Variants in LPP observed in about 807,000 individuals in gnomAD.
The protein encoded by LPP is lipoma-preferred partner.
In LPP, 38 loss-of-function variants were observed where a neutral mutation model predicts 60.4. The observed-to-expected ratio is 0.63, with a 90% confidence interval of 0.49 to 0.83. LPP has a LOEUF of 0.83. Among genes scored for constraint, LPP ranks in the 40% least tolerant of loss-of-function variants. LPP has a pLI of 0.00. For missense variants in LPP, 902 were observed against 783.6 expected, an observed-to-expected ratio of 1.15 and a Z score of -1.80; for synonymous variants, 328 against 290.8, an observed-to-expected ratio of 1.13 and a Z score of -1.30.
Position 188,848,988 on chromosome 3 carries a change from T to A in LPP, c.1411-17212T>A, listed in dbSNP as rs551902969. On this transcript the variant is annotated intron_variant, in intron 9 of 11. Transcript: ENST00000617246. ...TCAAAAAAAAAAAAAAGAAAATAGG[T>A]TCCGGGTGTTGCAGCAAGTAATAAT... 2.0e-5 allele frequency among the ~76,000 whole-genome samples: 3 copies of A among 149,942 alleles called. No homozygotes were observed. In the East Asian group the frequency reaches 5.9e-4, roughly 29 times the overall value.
At chr3:188,502,982 T>A (rs1812349006) in intron 5 of LPP, among the ~76,000 whole-genome samples, 1 of 152,096 alleles carries the variant, frequency 6.6e-6, no homozygotes, top group Non-Finnish European at 1.5e-5. Context: ...AGTCAAACCC[T>A]TATAAAATTT....
intron 2 of LPP, among the ~76,000 whole-genome samples, chr3:188,281,666 G>T (rs1268340270): frequency 6.7e-6 from 1 of 149,710 alleles, no homozygotes; most frequent in Non-Finnish European, 1.5e-5. Context: ...GGTAGGGAAG[G>T]GGAAAATTTG....
At chr3:188,529,958 T>G (rs761935791) in intron 6 of LPP, among the ~76,000 whole-genome samples, 23 of 152,230 alleles carry the variant, frequency 1.5e-4, no homozygotes, top group Non-Finnish European at 2.6e-4. Context: ...ACCTTATACC[T>G]TTCAGTGTCA....
chr3:188,665,376 A>T (rs1391347569), intron 7 of LPP, among the ~76,000 whole-genome samples: 1 of 151,614 alleles, frequency 6.6e-6, no homozygotes, highest in Non-Finnish European at 1.5e-5. Flanking sequence ...CATAGTTTCT[A>T]TGTGTTTGTC....
chr3:188,726,441 G>T (rs572941174), intron 8 of LPP, among the ~76,000 whole-genome samples: 11 of 152,290 alleles, frequency 7.2e-5, no homozygotes, highest in African/African-American at 2.6e-4. Flanking sequence ...CACTTGCTGT[G>T]TGTACACACT....
intron 2 of LPP, among the ~76,000 whole-genome samples, chr3:188,265,736 C>G (rs955140968): frequency 6.6e-6 from 1 of 151,886 alleles, no homozygotes; most frequent in East Asian, 1.9e-4. Flanking sequence ...GAGGCTGAGT[C>G]TGGAGGTGAG....
At chr3:188,460,487 G>A (rs1438247714) in intron 4 of LPP, among the ~76,000 whole-genome samples, 4 of 152,152 alleles carry the variant, frequency 2.6e-5, no homozygotes, top group African/African-American at 7.2e-5. Context: ...GGTTCCAGGC[G>A]CAGTTACTGT....
intron 2 of LPP, among the ~76,000 whole-genome samples, chr3:188,315,834 T>C (rs555367818): frequency 1.1e-4 from 17 of 152,350 alleles, no homozygotes; most frequent in Non-Finnish European, 2.1e-4. Context: ...TTGGATATTC[T>C]CTCTAGGTAT....
At chr3:188,302,386 T>C (rs1403485395) in intron 2 of LPP, among the ~76,000 whole-genome samples, 2 of 152,220 alleles carry the variant, frequency 1.3e-5, no homozygotes, top group East Asian at 3.8e-4. Context: ...TTCTCCACTT[T>C]AAATTTTATG....
chr3:188,511,153 C>T (rs1815417688), intron 5 of LPP, among the ~76,000 whole-genome samples: 1 of 126,540 alleles, frequency 7.9e-6, no homozygotes, highest in Admixed American at 8.1e-5. Context: ...TCCTACCTGC[C>T]TCCCTCCCTC....
At chr3:188,697,281 T>C (rs1216646878) in intron 7 of LPP, among the ~76,000 whole-genome samples, 2 of 152,138 alleles carry the variant, frequency 1.3e-5, no homozygotes, top group African/African-American at 2.4e-5. Context: ...TTGTGTTAGG[T>C]GAAAGATGGG....
chr3:188,243,924 G>A lies in LPP; in HGVS notation c.-67+18397G>A, dbSNP rs187224983. Among the ~76,000 whole-genome samples, 25 of 152,076 alleles carry A rather than the reference G, an allele frequency of 1.6e-4. No individual in the cohort carries two copies. In the East Asian group the frequency reaches 4.8e-3, roughly 29 times the overall value. ...AGAGTCTCGCTCTGTCGCGCAGGCT[G>A]GAGAGTAGAGGCACAATCTCTGCTC... On this transcript the variant is annotated intron_variant, in intron 2 of 11. Transcript: ENST00000617246.
chr3:188,240,498 A>T (rs1723961464), intron 2 of LPP, among the ~76,000 whole-genome samples: 1 of 152,250 alleles, frequency 6.6e-6, no homozygotes, highest in East Asian at 1.9e-4. Flanking sequence ...TCTTATACGT[A>T]CTGAATTTGA....
chr3:188,590,916 T>G (rs948981987), intron 6 of LPP, among the ~76,000 whole-genome samples: 2 of 152,190 alleles, frequency 1.3e-5, no homozygotes, highest in African/African-American at 4.8e-5. Context: ...TGATGGTCCT[T>G]TCTGACCCTA....
At chr3:188,722,021 A>G (rs944961913) in intron 8 of LPP, among the ~76,000 whole-genome samples, 2 of 152,192 alleles carry the variant, frequency 1.3e-5, no homozygotes, top group Non-Finnish European at 2.9e-5. Context: ...GCTGCCCCAT[A>G]TAAAATTTCA....
intron 2 of LPP, among the ~76,000 whole-genome samples, chr3:188,308,676 G>T (rs757431044): frequency 9.2e-5 from 14 of 152,174 alleles, no homozygotes; most frequent in Non-Finnish European, 1.8e-4. Flanking sequence ...TGCACAAAGT[G>T]TTGAGAGAAA....
Position 188,874,777 on chromosome 3 carries a change from G to A in LPP, c.*298G>A, listed in dbSNP as rs1578105146. 1 of 277,334 alleles carries A rather than the reference G, an allele frequency of 3.6e-6. No homozygotes were observed. Among genetic ancestry groups the A allele is most frequent in the East Asian group, 5.3e-5 (1 of 19,018 alleles). The allele number at this position is 277,334 out of a possible 1,614,324, so 17.2% of individuals were successfully genotyped here. A position where few individuals can be genotyped will look rare whatever the true frequency, so the allele number is the denominator to read the frequency against. On this transcript the variant is annotated 3_prime_UTR_variant, in exon 12 of 12. Coordinates refer to ENST00000617246, the MANE Select transcript of LPP (RefSeq NM_001375462.1). ...CCTGTAACTTTTAATCCCTATGTTT[G>A]TCTCACTTTTCATCTGGTTGAATGG...
At chr3:188,293,058 T>A (rs959787617) in intron 2 of LPP, among the ~76,000 whole-genome samples, 2 of 152,240 alleles carry the variant, frequency 1.3e-5, no homozygotes, top group African/African-American at 4.8e-5. Flanking sequence ...GAAGATTCCC[T>A]TCTCTGAGTT....
intron 6 of LPP, among the ~76,000 whole-genome samples, chr3:188,581,700 G>A (rs1836182982): frequency 6.6e-6 from 1 of 152,014 alleles, no homozygotes; most frequent in Non-Finnish European, 1.5e-5. Context: ...TTATACCCTG[G>A]ATCTTATCAT....
Sources: gnomAD v4.1 joint callset for allele counts (sites outside exome capture counted in the v4.1 genomes callset) on GRCh38, gnomAD v4.1.1 for gene constraint, MANE v1.5 for transcripts, NCBI Gene and HGNC (gene_info 2026-07-23, HGNC 2026-07-21) for gene names.